The following FBXL16 variants were observed in gnomAD, a reference collection of about 807,000 sequenced individuals.
FBXL16 encodes F-box and leucine rich repeat protein 16, also known as F-box/LRR-repeat protein 16.
In FBXL16, 7 loss-of-function variants were observed where a neutral mutation model predicts 36.7. The observed-to-expected ratio is 0.19, with a 90% confidence interval of 0.11 to 0.36. FBXL16 has a LOEUF of 0.36. FBXL16 is among the 10% of genes least tolerant of loss of function. The pLI is 1.00. For missense variants in FBXL16, 463 were observed against 659.4 expected, an observed-to-expected ratio of 0.70 and a Z score of 3.26; for synonymous variants, 355 against 308.7, an observed-to-expected ratio of 1.15 and a Z score of -1.57.
chr16:699,962 CAG>C (rs1258087114), intron 1 of FBXL16, among the ~76,000 whole-genome samples: 18 of 152,218 alleles, frequency 1.2e-4, no homozygotes, highest in Non-Finnish European at 2.1e-4. Context: ...TGCTCCACCA[CAG>C]AGAGTGGCGG....
intron 1 of FBXL16, among the ~76,000 whole-genome samples, chr16:698,817 G>A (rs1024862714): frequency 2.0e-5 from 3 of 150,988 alleles, no homozygotes; most frequent in Non-Finnish European, 1.5e-5. Flanking sequence ...GGGAGGCTGA[G>A]GCAGGAGAAT....
At position 695,035 on chromosome 16, in the gene FBXL16, G is replaced by C; in HGVS notation, c.1184C>G (p.Thr395Ser). The change falls in exon 4 of 6, where the codon ACC (threonine) becomes AGC (serine). Residue 395 changes from threonine (T) to serine (S), a missense_variant. By Grantham distance (58) the Thr-to-Ser change is moderately conservative (BLOSUM62 1). This residue lies in a region of FBXL16 where 134 missense variants were observed against 172.0 expected (regional missense o/e 0.78). Transcript: ENST00000397621. Reference sequence around the variant, plus strand: ...GTAGAGGCTGCGGAGGGACGACATGGTGGACAGATAGCTGAGGCCAGTGTC... The same window carrying C: ...GTAGAGGCTGCGGAGGGACGACATGCTGGACAGATAGCTGAGGCCAGTGTC... ...ITDTGLSYLS[T>S]MSSLRSLYLR... The C allele has an allele frequency of 6.3e-7, 1 of 1,587,790 alleles. No individual in the cohort carries two copies. Among genetic ancestry groups the C allele is most frequent in the Non-Finnish European group, 8.6e-7 (1 of 1,163,702 alleles).
chr16:695,079 G>C lies in FBXL16; in HGVS notation c.1143-3C>G. 1 of 1,606,196 alleles carries C rather than the reference G, an allele frequency of 6.2e-7. No individual in the cohort carries two copies. Among genetic ancestry groups the C allele is most frequent in the South Asian group, 1.1e-5 (1 of 89,722 alleles). Reference sequence around the variant, plus strand: ...CAGTGTCCGTGATGCGTACACACCTGTGGTTGCACCAGAGGGGACCCCCAC... The same window carrying C: ...CAGTGTCCGTGATGCGTACACACCTCTGGTTGCACCAGAGGGGACCCCCAC... On this transcript the variant is annotated splice_polypyrimidine_tract_variant and splice_region_variant and intron_variant, in intron 3 of 5. Transcript: ENST00000397621.
In FBXL16 at chr16:696,782, T is replaced by A; in HGVS notation, c.624A>T (p.Ala208=). The change falls in exon 2 of 6, where the codon GCA becomes GCT. Residue 208 remains alanine, a synonymous_variant. Transcript: ENST00000397621. ...MSLKRSTITD[A]GLEVMLEQMQ... Reference sequence around the variant, plus strand: ...CGAGCCTGGTGCACACCTCGAGGCCTGCGTCCGTGATGGTGGAGCGCTTGA... The same window carrying A: ...CGAGCCTGGTGCACACCTCGAGGCCAGCGTCCGTGATGGTGGAGCGCTTGA... The A allele has an allele frequency of 1.2e-6, 1 of 838,224 alleles. No homozygotes were observed. The highest frequency in any genetic ancestry group is 1.5e-6 in the Non-Finnish European group (1 of 677,490). 51.9% of individuals were successfully genotyped at this position (838,224 alleles called of 1,614,324 possible). A position where few individuals can be genotyped will look rare whatever the true frequency, so the allele number is the denominator to read the frequency against.
chr16:704,683 T>A (rs565876740), intron 1 of FBXL16, among the ~76,000 whole-genome samples: 124 of 152,320 alleles, frequency 8.1e-4, no homozygotes, highest in African/African-American at 2.7e-3. Flanking sequence ...CCCCTGGCCA[T>A]TGGGCCCTCG....
At chr16:695,120 C>T (rs546178207) in intron 3 of FBXL16, 44 bp from the exon 4 acceptor site, 3 of 1,559,776 alleles carry the variant, frequency 1.9e-6, no homozygotes, top group African/African-American at 1.4e-5. Flanking sequence ...AATCACCTGG[C>T]CCCGGCCATC....
chr16:697,116 G>A lies in FBXL16; in HGVS notation c.290C>T (p.Thr97Met), dbSNP rs770296082. The change falls in exon 2 of 6, where the codon ACG (threonine) becomes ATG (methionine). Residue 97 changes from threonine to methionine, a missense_variant. By Grantham distance (81) the Thr-to-Met change is moderately conservative (BLOSUM62 -1). This residue lies in a region of FBXL16 where 263 missense variants were observed against 341.1 expected (regional missense o/e 0.77). Coordinates refer to ENST00000397621, the MANE Select transcript of FBXL16 (RefSeq NM_153350.4). The surrounding 1 kb of genome is among the most constrained non-coding windows in gnomAD (Gnocchi z 4.6). ...GAGCCCATTGAGGATCTTCTCGTCC[G>A]TGGCCAGCGGCGGCCGCTCCGCTGG... ...GHPAERPPLA[T>M]DEKILNGLFW... 5.1e-5 allele frequency: 82 copies of A among 1,606,860 alleles called. No individual in the cohort carries two copies. The highest frequency in any genetic ancestry group is 5.9e-5 in the Non-Finnish European group (70 of 1,177,084).
intron 1 of FBXL16, among the ~76,000 whole-genome samples, chr16:702,729 T>C (rs919171568): frequency 6.6e-6 from 1 of 152,164 alleles, no homozygotes; most frequent in African/African-American, 2.4e-5. Flanking sequence ...GGGTTGGGAC[T>C]AGGTTGGTAC....
chr16:695,997 T>G, intron 2 of FBXL16, 74 bp from the exon 3 acceptor site: 2 of 1,497,716 alleles, frequency 1.3e-6, no homozygotes, highest in African/African-American at 1.4e-5. Context: ...CAGTAGGGTG[T>G]AAACATGCAG....
intron 3 of FBXL16, 142 bp downstream of exon 3, chr16:695,273 G>T: frequency 8.5e-7 from 1 of 1,171,954 alleles, no homozygotes; most frequent in Non-Finnish European, 1.1e-6. Flanking sequence ...CCACTCCCCA[G>T]GCTCCGAGGG....
At chr16:700,733 G>T (rs1447427258) in intron 1 of FBXL16, among the ~76,000 whole-genome samples, 1 of 152,070 alleles carries the variant, frequency 6.6e-6, no homozygotes, top group Non-Finnish European at 1.5e-5. Context: ...CGCCTTCCCC[G>T]CCAGGGACGC....
chr16:705,470 G>A (rs1461078009), intron 1 of FBXL16, 42 bp downstream of exon 1: 2 of 148,416 alleles, frequency 1.3e-5, no homozygotes, highest in Admixed American at 6.7e-5. Context: ...GTGCGGCCTG[G>A]CCCCCTCCCG....
chr16:698,485 G>C (rs1246601278), intron 1 of FBXL16, among the ~76,000 whole-genome samples: 1 of 152,228 alleles, frequency 6.6e-6, no homozygotes, highest in Non-Finnish European at 1.5e-5. Flanking sequence ...CCTCTGGGCA[G>C]GCCAGGGGAA....
chr16:700,345 A>G (rs1031007546), intron 1 of FBXL16, among the ~76,000 whole-genome samples: 1 of 152,042 alleles, frequency 6.6e-6, no homozygotes, highest in Admixed American at 6.5e-5. Flanking sequence ...CGGGCCCTCC[A>G]CAGAGGAGGC....
chr16:694,942 G>A (rs774098894), intron 4 of FBXL16, 50 bp downstream of exon 4: 4 of 1,474,050 alleles, frequency 2.7e-6, no homozygotes, highest in Middle Eastern at 1.9e-4. Flanking sequence ...CTCTCCCCGC[G>A]CCCCCACCTC....
At chr16:704,591 T>C (rs900904165) in intron 1 of FBXL16, among the ~76,000 whole-genome samples, 3 of 152,200 alleles carry the variant, frequency 2.0e-5, no homozygotes, top group Non-Finnish European at 2.9e-5. Flanking sequence ...GACCCAGGCC[T>C]ATCTGCTCCA....
At position 693,587 on chromosome 16, in the gene FBXL16, A is replaced by G. The variant is rs918299155; in HGVS notation, c.*688T>C. 6.5e-6 allele frequency: 1 copy of G among 152,682 alleles called. No individual in the cohort carries two copies. Among genetic ancestry groups the G allele is most frequent in the Non-Finnish European group, 1.5e-5 (1 of 68,128 alleles). 9.5% of individuals were successfully genotyped at this position (152,682 alleles called of 1,614,324 possible). A position where few individuals can be genotyped will look rare whatever the true frequency, so the allele number is the denominator to read the frequency against. The stretch of plus-strand genomic sequence containing the variant: ...GGACCAAGGCCGGGTTTTGGGGCGG[A>G]CAGGGGACTGCCCCACACAGCGGCA... On this transcript the variant is annotated 3_prime_UTR_variant, in exon 6 of 6. Transcript: ENST00000397621.
chr16:695,067 G>T lies in FBXL16; in HGVS notation c.1152C>A (p.Arg384=), dbSNP rs759515620. The T allele has an allele frequency of 6.2e-7, 1 of 1,607,398 alleles. No individual in the cohort carries two copies. The highest frequency in any genetic ancestry group is 1.7e-5 in the Admixed American group (1 of 59,330). The change falls in exon 4 of 6, where the codon CGC becomes CGA. Residue 384 remains arginine, a synonymous_variant. Transcript: ENST00000397621. The part of the protein sequence containing the change: ...LEELVLDRCV[R]ITDTGLSYLS... ...GATAGCTGAGGCCAGTGTCCGTGAT[G>T]CGTACACACCTGTGGTTGCACCAGA... is the stretch of plus-strand genomic sequence containing the variant.
Position 694,184 on chromosome 16 carries a change from G to A in FBXL16, c.*91C>T, listed in dbSNP as rs929328656. The stretch of plus-strand genomic sequence containing the variant: ...GGGCCGGGGGCGCGGGGGCTCCCCC[G>A]AGCGCAAGGCGGGAAGAGGGGGCTC... On this transcript the variant is annotated 3_prime_UTR_variant, in exon 6 of 6. Coordinates refer to ENST00000397621, the MANE Select transcript of FBXL16 (RefSeq NM_153350.4). 3.8e-5 allele frequency: 37 copies of A among 978,184 alleles called. No homozygotes were observed. The highest frequency in any genetic ancestry group is 6.8e-5 in the African/African-American group (4 of 58,506). The allele number at this position is 978,184 out of a possible 1,614,324, so 60.6% of individuals were successfully genotyped here.
Sources: allele counts gnomAD v4.1 joint callset (sites outside exome capture counted in the v4.1 genomes callset), GRCh38; gene constraint gnomAD v4.1.1; regional missense constraint gnomAD v4.1.1; non-coding constraint Gnocchi (gnomAD v3.1); transcripts MANE v1.5; gene names NCBI Gene and HGNC (gene_info 2026-07-23, HGNC 2026-07-21).